Variants in DNAAF4 observed in about 807,000 individuals in gnomAD.
DNAAF4 encodes dynein assembly factor 4, axonemal.
A neutral mutation model predicts 51.8 loss-of-function variants in DNAAF4; 43 were observed. The observed-to-expected ratio is 0.83, with a 90% CI of 0.65 to 1.07. DNAAF4 has a LOEUF of 1.07. Ranked by LOEUF, DNAAF4 falls within the 50% of genes least tolerant of loss-of-function variation. DNAAF4 has a pLI of 0.00. For missense variants in DNAAF4, 581 were observed against 493.0 expected, an observed-to-expected ratio of 1.18 and a Z score of -1.69; for synonymous variants, 194 against 165.6, an observed-to-expected ratio of 1.17 and a Z score of -1.32.
Position 55,432,493 on chromosome 15 carries a change from T to G in DNAAF4, c.1153+4A>C, listed in dbSNP as rs2141400377. The stretch of plus-strand genomic sequence containing the variant: ...GACTTAAACCATTTCTATCAATTCC[T>G]TACCTTCTACATACAATTCTAGTTG... On this transcript the variant is annotated splice_donor_region_variant and intron_variant, in intron 9 of 9. Transcript: ENST00000321149. 1.2e-6 allele frequency: 2 copies of G among 1,607,610 alleles called. No homozygotes were observed. The highest frequency in any genetic ancestry group is 1.7e-6 in the Non-Finnish European group (2 of 1,176,030).
intron 6 of DNAAF4, among the ~76,000 whole-genome samples, chr15:55,449,269 C>T (rs550543792): frequency 3.3e-5 from 5 of 151,228 alleles, no homozygotes; most frequent in African/African-American, 9.7e-5. Flanking sequence ...GAATTACAGG[C>T]GTGAGCCACC....
intron 6 of DNAAF4, among the ~76,000 whole-genome samples, chr15:55,439,911 G>A (rs1374300997): frequency 1.3e-5 from 2 of 152,086 alleles, no homozygotes; most frequent in East Asian, 1.9e-4. Context: ...AAGTTATGAT[G>A]AGCACCCCTA....
intron 5 of DNAAF4, among the ~76,000 whole-genome samples, chr15:55,462,731 A>G (rs1324069644): frequency 1.3e-5 from 2 of 152,222 alleles, no homozygotes; most frequent in East Asian, 3.8e-4. Flanking sequence ...CAGCATATCA[A>G]AAAGGTAATA....
rs533525435 is a variant in DNAAF4, at chr15:55,461,154, C to T, written c.637+5776G>A. Among the ~76,000 whole-genome samples, 65 of 152,048 alleles carry T rather than the reference C, an allele frequency of 4.3e-4. 1 individual carries two copies. The highest frequency in any genetic ancestry group is 3.4e-3 in the Middle Eastern group (1 of 294). On this transcript the variant is annotated intron_variant, in intron 5 of 9. Transcript: ENST00000321149. The stretch of plus-strand genomic sequence containing the variant: ...TGCAGTCTCGGCTCACTGCAAACTC[C>T]GCCTCCTGGGTTCATGCCATTCTCC...
chr15:55,439,521 C>A lies in DNAAF4; in HGVS notation c.844G>T (p.Asp282Tyr). ...GGGTTCTTTTCTTCTTCTTTTAAATCGCAAAGTTCAGCTATGTCAGTATTC... is the reference window on the plus strand; with the variant it reads ...GGGTTCTTTTCTTCTTCTTTTAAATAGCAAAGTTCAGCTATGTCAGTATTC... Reference protein sequence around the residue: ...AMNTDIAELCDLKEEEKNPEW... With the variant: ...AMNTDIAELCYLKEEEKNPEW... The change falls in exon 7 of 10, where the codon GAT (aspartate) becomes TAT (tyrosine). Residue 282 changes from aspartate to tyrosine, a missense_variant. Coordinates refer to ENST00000321149, the MANE Select transcript of DNAAF4 (RefSeq NM_130810.4). 6.2e-7 allele frequency: 1 copy of A among 1,614,092 alleles called. No homozygotes were observed. Among genetic ancestry groups the A allele is most frequent in the South Asian group, 1.1e-5 (1 of 91,068 alleles).
At chr15:55,421,517 T>C (rs1157731202) in intron 7 of DNAAF4, among the ~76,000 whole-genome samples, 1 of 151,848 alleles carries the variant, frequency 6.6e-6, no homozygotes. Context: ...ATAATAAAAT[T>C]ATCAGGATAA....
At chr15:55,450,631 G>C (rs1211924134) in intron 5 of DNAAF4, among the ~76,000 whole-genome samples, 1 of 152,072 alleles carries the variant, frequency 6.6e-6, no homozygotes, top group African/African-American at 2.4e-5. Flanking sequence ...CTCTAAGGGA[G>C]GATACTCTAG....
rs1567010283 is a variant in DNAAF4 at position 55,447,882 on chromosome 15, G to GGGGAGAGGTGAGAC, written c.783+2339_783+2340insGTCTCACCTCTCCC. Among the ~76,000 whole-genome samples, 5 of 123,970 alleles carry GGGGAGAGGTGAGAC rather than the reference G, an allele frequency of 4.0e-5. 1 individual carries two copies. Among genetic ancestry groups the GGGGAGAGGTGAGAC allele is most frequent in the Non-Finnish European group, 9.3e-5 (5 of 53,926 alleles). The allele number at this position is 123,970 out of a possible 152,430, so 81.3% of individuals were successfully genotyped here. A position where few individuals can be genotyped will look rare whatever the true frequency, so the allele number is the denominator to read the frequency against. On this transcript the variant is annotated intron_variant, in intron 6 of 9. Transcript: ENST00000321149. ...GAGAGGGGAGAGGGGAGAGGGGAGAGGGGAGCCCCTTTATTTCTTTCTCCT... is the reference window on the plus strand; with the variant it reads ...GAGAGGGGAGAGGGGAGAGGGGAGAGGGGAGAGGTGAGACGGGAGCCCCTTTATTTCTTTCTCCT...
intron 5 of DNAAF4, among the ~76,000 whole-genome samples, chr15:55,461,358 A>G (rs1024188921): frequency 6.6e-6 from 1 of 152,014 alleles, no homozygotes; most frequent in African/African-American, 2.4e-5. Context: ...GGCCTCCCAA[A>G]GTACTGAGAT....
intron 7 of DNAAF4, among the ~76,000 whole-genome samples, chr15:55,419,880 T>C (rs1040864775): frequency 2.6e-5 from 4 of 151,948 alleles, no homozygotes; most frequent in Non-Finnish European, 4.4e-5. Flanking sequence ...CGGGTGCCTG[T>C]AATCCCAGCT....
At chr15:55,505,288 G>A (rs972918839) in intron 1 of DNAAF4, among the ~76,000 whole-genome samples, 1 of 152,174 alleles carries the variant, frequency 6.6e-6, no homozygotes, top group African/African-American at 2.4e-5. Flanking sequence ...GAGAGGATGT[G>A]GAGAAATAGG....
rs1306971724 is a variant in DNAAF4 at position 55,449,234 on chromosome 15, C to T, written c.783+988G>A. 2.7e-5 allele frequency among the ~76,000 whole-genome samples: 4 copies of T among 150,904 alleles called. No homozygotes were observed. The East Asian group carries it at 8.1e-4, about 31-fold the overall frequency. ...CAAACTCCTGACCTCAGGTGATCCA[C>T]CCACCTCGGCCTCCCAAAGTGCTAG... On this transcript the variant is annotated intron_variant, in intron 6 of 9. Transcript: ENST00000321149.
intron 4 of DNAAF4, among the ~76,000 whole-genome samples, chr15:55,469,474 CTTTTTTTTTTT>C (rs1162485238): frequency 2.0e-4 from 13 of 66,256 alleles, no homozygotes; most frequent in African/African-American, 7.7e-4. Context: ...CTTACCAATT[CTTTTTTTTTTT>C]TTTTTTTTTT....
At chr15:55,453,842 G>C (rs1374097258) in intron 5 of DNAAF4, among the ~76,000 whole-genome samples, 1 of 151,836 alleles carries the variant, frequency 6.6e-6, no homozygotes, top group African/African-American at 2.4e-5. Context: ...GAGCCACAGC[G>C]CCTGGCCAAA....
At chr15:55,418,988 C>T (rs1405146563) in intron 7 of DNAAF4, among the ~76,000 whole-genome samples, 1 of 144,756 alleles carries the variant, frequency 6.9e-6, no homozygotes, top group Non-Finnish European at 1.5e-5. Context: ...GCAGTGGTTG[C>T]TCACTGCGAC....
At chr15:55,462,739 A>C (rs917806635) in intron 5 of DNAAF4, among the ~76,000 whole-genome samples, 1 of 152,212 alleles carries the variant, frequency 6.6e-6, no homozygotes, top group African/African-American at 2.4e-5. Context: ...CAAAAAGGTA[A>C]TACACCATAA....
At chr15:55,461,198 A>G (rs1227528940) in intron 5 of DNAAF4, among the ~76,000 whole-genome samples, 18 of 152,056 alleles carry the variant, frequency 1.2e-4, no homozygotes, top group Admixed American at 1.2e-3. Context: ...CCTCCCGAGT[A>G]GCTGGGACTA....
intron 6 of DNAAF4, among the ~76,000 whole-genome samples, chr15:55,448,211 G>A (rs1029177312): frequency 2.0e-5 from 3 of 152,000 alleles, no homozygotes; most frequent in African/African-American, 4.8e-5. Context: ...GCTGGATTAC[G>A]TTTACTGATT....
intron 8 of DNAAF4, among the ~76,000 whole-genome samples, chr15:55,434,506 T>A (rs1482252446): frequency 6.6e-6 from 1 of 152,082 alleles, no homozygotes; most frequent in Admixed American, 6.6e-5. Flanking sequence ...ATATACTAAG[T>A]TACCCTGCAA....
Sources: gnomAD v4.1 joint callset for allele counts (sites outside exome capture counted in the v4.1 genomes callset) on GRCh38, gnomAD v4.1.1 for gene constraint, MANE v1.5 for transcripts, NCBI Gene and HGNC (gene_info 2026-07-23, HGNC 2026-07-21) for gene names.